The following SYT17 variants were observed in gnomAD, a reference collection of about 807,000 sequenced individuals.
SYT17 encodes the protein synaptotagmin-17.
Under a neutral mutation model 46.7 loss-of-function variants are expected in SYT17, and 22 were observed. That is an observed-to-expected ratio of 0.47 (90% CI 0.34 to 0.67). SYT17 has a LOEUF of 0.67. Among genes scored for constraint, SYT17 ranks in the 30% least tolerant of loss-of-function variants. SYT17 has a pLI of 0.01. For synonymous variants in SYT17, 251 were observed against 248.4 expected (o/e 1.01, Z -0.10); for missense variants, 519 against 612.8 (o/e 0.85, Z 1.62).
At chr16:19,253,288 G>C (rs1013202906) in intron 7 of SYT17, among the ~76,000 whole-genome samples, 1 of 152,174 alleles carries the variant, frequency 6.6e-6, no homozygotes, top group Non-Finnish European at 1.5e-5. Context: ...TGGTATGGTG[G>C]CTCATGCTTG....
chr16:19,245,869 T>C (rs1967513663), intron 7 of SYT17, among the ~76,000 whole-genome samples: 1 of 152,200 alleles, frequency 6.6e-6, no homozygotes. Context: ...GAAAGGGCAG[T>C]ACTGATGGCT....
chr16:19,228,828 C>T (rs1259696833), intron 7 of SYT17, among the ~76,000 whole-genome samples: 1 of 152,188 alleles, frequency 6.6e-6, no homozygotes. Context: ...GGCCGAGGAA[C>T]CAAAGCCCAG....
In SYT17 at chr16:19,203,411, C is replaced by A. The variant is rs553660971; in HGVS notation, c.951+19264C>A. Among the ~76,000 whole-genome samples, 72 of 151,850 alleles carry A rather than the reference C, an allele frequency of 4.7e-4. 1 individual carries two copies. The South Asian group carries it at 0.014, about 29-fold the overall frequency. Reference sequence around the variant, plus strand: ...ACTCAGCAGGCTGAGGTAGGAGAATCGCTTGAGCCTGCACCATCATCGAAG... The same window carrying A: ...ACTCAGCAGGCTGAGGTAGGAGAATAGCTTGAGCCTGCACCATCATCGAAG... On this transcript the variant is annotated intron_variant, in intron 5 of 7. Coordinates refer to ENST00000355377, the MANE Select transcript of SYT17 (RefSeq NM_016524.4).
intron 5 of SYT17, among the ~76,000 whole-genome samples, chr16:19,222,486 G>T (rs192843402): frequency 6.6e-6 from 1 of 151,924 alleles, no homozygotes; most frequent in Non-Finnish European, 1.5e-5. Flanking sequence ...GGTTAGAAGC[G>T]TGGGATCTGC....
intron 5 of SYT17, among the ~76,000 whole-genome samples, chr16:19,203,496 TG>T: frequency 6.6e-6 from 1 of 152,296 alleles, no homozygotes; most frequent in East Asian, 1.9e-4. Context: ...GCCCCAAGTG[TG>T]GTACAGAAGT....
intron 1 of SYT17, among the ~76,000 whole-genome samples, chr16:19,169,325 G>T (rs1339416254): frequency 6.6e-6 from 1 of 151,736 alleles, no homozygotes; most frequent in East Asian, 1.9e-4. Flanking sequence ...TTTTTGGGGG[G>T]AGGGGGCGGA....
chr16:19,190,542 C>CA (rs1313753415), intron 5 of SYT17, among the ~76,000 whole-genome samples: 1 of 152,112 alleles, frequency 6.6e-6, no homozygotes, highest in African/African-American at 2.4e-5. Context: ...TGAAACCCTA[C>CA]ACCCATTAAT....
Position 19,267,144 on chromosome 16 carries a change from A to G in SYT17, c.*68A>G, listed in dbSNP as rs1355188697. 1.4e-5 allele frequency: 20 copies of G among 1,383,720 alleles called. No homozygotes were observed. Among genetic ancestry groups the G allele is most frequent in the Non-Finnish European group, 1.3e-5 (14 of 1,040,828 alleles). 85.7% of individuals were successfully genotyped at this position (1,383,720 alleles called of 1,614,324 possible). ...AAAAAGACGGAAAAAAATGTGTCAC[A>G]TACTATTACATCCACACCTGCATAC... On this transcript the variant is annotated 3_prime_UTR_variant, in exon 8 of 8. Transcript: ENST00000355377.
chr16:19,250,955 G>A (rs931446402), intron 7 of SYT17, among the ~76,000 whole-genome samples: 2 of 152,018 alleles, frequency 1.3e-5, no homozygotes, highest in African/African-American at 4.8e-5. Context: ...TGACCTTTAT[G>A]TAAATGGGAT....
At chr16:19,231,984 C>T (rs748637181) in intron 7 of SYT17, among the ~76,000 whole-genome samples, 20 of 152,108 alleles carry the variant, frequency 1.3e-4, no homozygotes, top group African/African-American at 4.1e-4. Context: ...GGAGCTGACA[C>T]GTGAGCTGGG....
chr16:19,215,195 A>G (rs1034634588), intron 5 of SYT17, among the ~76,000 whole-genome samples: 2 of 152,220 alleles, frequency 1.3e-5, no homozygotes, highest in African/African-American at 4.8e-5. Flanking sequence ...GCCAAAAATT[A>G]TATTTCTCTT....
intron 5 of SYT17, among the ~76,000 whole-genome samples, chr16:19,196,427 G>A (rs1395554965): frequency 6.6e-6 from 1 of 151,980 alleles, no homozygotes; most frequent in Non-Finnish European, 1.5e-5. Flanking sequence ...ATTTTTAGTA[G>A]AGACAAGGTT....
At chr16:19,211,306 C>A in intron 5 of SYT17, 4 of 659,510 alleles carry the variant, frequency 6.1e-6, no homozygotes, top group Admixed American at 2.1e-5. Context: ...GGTGGAACAT[C>A]GTGCTGACAA....
intron 5 of SYT17, among the ~76,000 whole-genome samples, chr16:19,212,903 AG>A (rs1314209147): frequency 6.6e-6 from 1 of 152,202 alleles, no homozygotes; most frequent in Non-Finnish European, 1.5e-5. Flanking sequence ...AGAAAGAAGA[AG>A]GAAGGAAATC....
At chr16:19,249,864 A>G in intron 7 of SYT17, 1 of 1,465,478 alleles carries the variant, frequency 6.8e-7, no homozygotes, top group Non-Finnish European at 9.1e-7. Flanking sequence ...TGGGGGCTCC[A>G]TACTTTCATC....
In SYT17 at chr16:19,224,686, C is replaced by G. The variant is rs748558908; in HGVS notation, c.1076C>G (p.Pro359Arg). 2 of 1,613,884 alleles carry G rather than the reference C, an allele frequency of 1.2e-6. No individual in the cohort carries two copies. The highest frequency in any genetic ancestry group is 1.7e-6 in the Non-Finnish European group (2 of 1,179,858). Residue 359 changes from proline (P) to arginine (R), a missense_variant, in exon 7 of 8, where the codon CCC (proline) becomes CGC (arginine). By Grantham distance (103) the Pro-to-Arg change is moderately radical. Transcript: ENST00000355377. The part of the protein sequence containing the change: ...LQTDVSQGSD[P>R]FVKIQLVHGL... Reference sequence around the variant, plus strand: ...TGATGCTGTGTCTAATTTTCAGACCCCTTTGTGAAAATCCAGCTGGTGCAT... The same window carrying G: ...TGATGCTGTGTCTAATTTTCAGACCGCTTTGTGAAAATCCAGCTGGTGCAT...
chr16:19,243,151 ACAAAG>A (rs1218245665), intron 7 of SYT17, among the ~76,000 whole-genome samples: 2 of 152,116 alleles, frequency 1.3e-5, no homozygotes, highest in Admixed American at 6.5e-5. Context: ...ACCAAGCAAA[ACAAAG>A]CAAACAGGTG....
At chr16:19,173,612 A>C (rs1462784870) in intron 3 of SYT17, 34 bp downstream of exon 3, 2 of 1,607,312 alleles carry the variant, frequency 1.2e-6, no homozygotes, top group South Asian at 2.2e-5. Flanking sequence ...CTCTGAAATC[A>C]ATTTCAAGAC....
At position 19,239,666 on chromosome 16, in the gene SYT17, A is replaced by G. The variant is rs114251269; in HGVS notation, c.1228+14828A>G. ...TTAATCTGCATAGAAACGCTATGACATAGTGTTACGAGATCATTGAGGGTG... is the reference window on the plus strand; with the variant it reads ...TTAATCTGCATAGAAACGCTATGACGTAGTGTTACGAGATCATTGAGGGTG... On this transcript the variant is annotated intron_variant, in intron 7 of 7. Transcript: ENST00000355377. 2.7e-3 allele frequency among the ~76,000 whole-genome samples: 416 copies of G among 152,272 alleles called. 4 individuals carry two copies. Among genetic ancestry groups the G allele is most frequent in the African/African-American group, 9.2e-3 (384 of 41,544 alleles).
Sources: allele counts gnomAD v4.1 joint callset (sites outside exome capture counted in the v4.1 genomes callset), GRCh38; gene constraint gnomAD v4.1.1; transcripts MANE v1.5; gene names NCBI Gene and HGNC (gene_info 2026-07-23, HGNC 2026-07-21).